The following DST variants were observed in gnomAD, a reference collection of about 807,000 sequenced individuals.
DST encodes the protein dystonin, also known as bullous pemphigoid antigen.
A neutral mutation model predicts 875.2 loss-of-function variants in DST; 253 were observed. That is an observed-to-expected ratio of 0.29 (90% CI 0.26 to 0.32). The LOEUF (loss-of-function observed/expected upper bound fraction) is 0.32, where lower values mean the gene tolerates loss of function less well. Among genes scored for constraint, DST ranks in the 10% least tolerant of loss-of-function variants. The pLI is 1.00. For missense variants in DST, 8,287 were observed against 9,111.6 expected, an observed-to-expected ratio of 0.91 and a Z score of 3.68; for synonymous variants, 3,124 against 3,197.1, an observed-to-expected ratio of 0.98 and a Z score of 0.77.
chr6:56,705,819 A>T (rs1486625949), intron 5 of DST, among the ~76,000 whole-genome samples: 1 of 152,242 alleles, frequency 6.6e-6, no homozygotes, highest in African/African-American at 2.4e-5. Flanking sequence ...GAAATACAGC[A>T]AAACTGAAGG....
chr6:56,691,871 AC>A (rs2099232572), intron 9 of DST, among the ~76,000 whole-genome samples: 1 of 152,202 alleles, frequency 6.6e-6, no homozygotes, highest in Non-Finnish European at 1.5e-5. Flanking sequence ...CACAGAATTG[AC>A]AGCAATTATG....
chr6:56,514,999 T>C (rs374702412), intron 72 of DST, among the ~76,000 whole-genome samples: 42 of 152,300 alleles, frequency 2.8e-4, no homozygotes, highest in Middle Eastern at 3.4e-3. Flanking sequence ...TTTCATAATA[T>C]TGCTATTTTG....
At chr6:56,730,153 G>C (rs1270053365) in intron 5 of DST, among the ~76,000 whole-genome samples, 1 of 152,042 alleles carries the variant, frequency 6.6e-6, no homozygotes, top group Non-Finnish European at 1.5e-5. Context: ...TTGCCAATTA[G>C]ATGGATCCTA....
intron 99 of DST, among the ~76,000 whole-genome samples, chr6:56,465,874 A>G (rs2094556329): frequency 6.6e-6 from 1 of 151,594 alleles, no homozygotes; most frequent in Non-Finnish European, 1.5e-5. Flanking sequence ...AAGTAAAAAA[A>G]AAAAAAAAAA....
chr6:56,748,148 T>TA (rs2099577815), intron 4 of DST, among the ~76,000 whole-genome samples: 1 of 152,186 alleles, frequency 6.6e-6, no homozygotes, highest in Non-Finnish European at 1.5e-5. Context: ...GTTCATTAAA[T>TA]AAGTAGGTGC....
intron 9 of DST, among the ~76,000 whole-genome samples, chr6:56,696,055 T>C (rs2099261954): frequency 6.6e-6 from 1 of 152,236 alleles, no homozygotes; most frequent in Non-Finnish European, 1.5e-5. Context: ...CAAATAGATT[T>C]TGGTCTAATT....
In DST at chr6:56,897,304, T is replaced by TGG. The variant is rs200956256; in HGVS notation, c.417+3116_417+3117insCC. ...GCAAAGAATACTAAGTGGTTTTTTT[T>TGG]TGGGGGGGGGGTTGTTTTTATTTAT... On this transcript the variant is annotated intron_variant, in intron 3 of 103. Transcript: ENST00000680361. Among the ~76,000 whole-genome samples, 1,232 of 133,882 alleles carry TGG rather than the reference T, an allele frequency of 9.2e-3. 30 individuals carry two copies. Among genetic ancestry groups the TGG allele is most frequent in the African/African-American group, 0.03 (1,103 of 36,222 alleles). The allele number at this position is 133,882 out of a possible 152,430, so 87.8% of individuals were successfully genotyped here.
chr6:56,953,916 C>A, intron 1 of DST, 97 bp from the exon 2 acceptor site: 1 of 816,712 alleles, frequency 1.2e-6, no homozygotes, highest in Non-Finnish European at 1.8e-6. Flanking sequence ...GTTGGGAAAG[C>A]ACATCGCAGA....
intron 4 of DST, among the ~76,000 whole-genome samples, chr6:56,804,047 A>G (rs757501616): frequency 3.9e-5 from 6 of 152,220 alleles, no homozygotes; most frequent in Non-Finnish European, 8.8e-5. Context: ...TTAGCTGGCT[A>G]TCTTTACTGC....
At chr6:56,465,961 T>A in intron 99 of DST, 117 bp downstream of exon 99, 3 of 668,360 alleles carry the variant, frequency 4.5e-6, no homozygotes, top group Non-Finnish European at 7.5e-6. Flanking sequence ...GACAGACCAA[T>A]GTGAAACATT....
chr6:56,781,065 G>C (rs533026377), intron 4 of DST, among the ~76,000 whole-genome samples: 4 of 152,108 alleles, frequency 2.6e-5, no homozygotes, highest in Admixed American at 2.0e-4. Context: ...TGAGGGCTCT[G>C]TTCTGTCCAT....
chr6:56,754,599 G>T (rs1564015679), intron 4 of DST, among the ~76,000 whole-genome samples: 1 of 151,876 alleles, frequency 6.6e-6, no homozygotes, highest in Non-Finnish European at 1.5e-5. Context: ...TGAAGATATA[G>T]CCCCTGAAAA....
In DST at chr6:56,552,348, C is replaced by T. The variant is rs1422788790; in HGVS notation, c.16444G>A (p.Ala5482Thr). 1 of 1,613,892 alleles carries T rather than the reference C, an allele frequency of 6.2e-7. No homozygotes were observed. The highest frequency in any genetic ancestry group is 2.2e-5 in the East Asian group (1 of 44,888). Residue 5482 changes from alanine (A) to threonine (T), a missense_variant, in exon 61 of 104, where the codon GCC becomes ACC. Ala to Thr is a moderately conservative substitution (Grantham distance 58, BLOSUM62 0). Transcript: ENST00000680361. ...QCNKLLDRAQ[A>T]REEQVEGTIK... The stretch of plus-strand genomic sequence containing the variant: ...GTCCCTTCAACCTGCTCTTCTCTGG[C>T]TTGGGCTCGGTCCAGTAACTTGTTG...
At position 56,903,390 on chromosome 6, in the gene DST, T is replaced by A. The variant is rs545032421; in HGVS notation, c.217-2769A>T. 7.9e-5 allele frequency among the ~76,000 whole-genome samples: 12 copies of A among 152,330 alleles called. No individual in the cohort carries two copies. In the South Asian group the frequency reaches 1.5e-3, roughly 18 times the overall value. On this transcript the variant is annotated intron_variant, in intron 2 of 103. Transcript: ENST00000680361. ...AAAACAATAACTCAGTGAATTCACA[T>A]CCCTGTATCTACCCTAGAGAAATTC...
chr6:56,859,084 G>T (rs1321301232), intron 3 of DST, among the ~76,000 whole-genome samples: 1 of 152,166 alleles, frequency 6.6e-6, no homozygotes, highest in African/African-American at 2.4e-5. Flanking sequence ...GACTAGACTT[G>T]TACTGGGTTC....
intron 4 of DST, chr6:56,742,197 C>T: frequency 1.0e-6 from 1 of 966,388 alleles, no homozygotes; most frequent in Non-Finnish European, 1.4e-6. Flanking sequence ...GCCATGCAAA[C>T]CAAAGCAGGT....
intron 4 of DST, among the ~76,000 whole-genome samples, chr6:56,821,748 G>A (rs1446054327): frequency 6.6e-6 from 1 of 152,128 alleles, no homozygotes; most frequent in Non-Finnish European, 1.5e-5. Flanking sequence ...ATATCACATA[G>A]GAACATTCAC....
chr6:56,514,606 C>CACACAA (rs1554275996), intron 72 of DST, among the ~76,000 whole-genome samples: 17,969 of 146,308 alleles, frequency 0.12, 1,384 homozygotes, highest in African/African-American at 0.22. Flanking sequence ...CACACACACA[C>CACACAA]ACACACCCCC....
Position 56,568,615 on chromosome 6 carries a change from T to C in DST, c.13879-20A>G, listed in dbSNP as rs2097722343. 2 of 1,561,220 alleles carry C rather than the reference T, an allele frequency of 1.3e-6. No individual in the cohort carries two copies. Among genetic ancestry groups the C allele is most frequent in the African/African-American group, 1.4e-5 (1 of 73,362 alleles). On this transcript the variant is annotated intron_variant, in intron 54 of 103. Coordinates refer to ENST00000680361, the MANE Select transcript of DST (RefSeq NM_001374736.1). ...TAATTTCTTGAGATATAAAAACACA[T>C]TATTTTTCCATCTTAATATTTTCAG...
Sources: gnomAD v4.1 joint callset for allele counts (sites outside exome capture counted in the v4.1 genomes callset) on GRCh38, gnomAD v4.1.1 for gene constraint, MANE v1.5 for transcripts, NCBI Gene and HGNC (gene_info 2026-07-23, HGNC 2026-07-21) for gene names.